Variants in APLF observed in about 807,000 individuals in gnomAD.
APLF encodes aprataxin and PNK-like factor.
A neutral mutation model predicts 55.6 loss-of-function variants in APLF; 61 were observed. The observed-to-expected ratio is 1.10, with a 90% CI of 0.89 to 1.36. The LOEUF is 1.36. APLF is among the 40% of genes most tolerant of loss of function. The pLI is 0.00. For missense variants in APLF, 611 were observed against 602.5 expected, an observed-to-expected ratio of 1.01 and a Z score of -0.15; for synonymous variants, 207 against 214.8, an observed-to-expected ratio of 0.96 and a Z score of 0.32.
At position 68,526,003 on chromosome 2, in the gene APLF, A is replaced by C. The variant is rs577800989; in HGVS notation, c.623-58A>C. 5.9e-5 allele frequency: 87 copies of C among 1,483,414 alleles called. No homozygotes were observed. The African/African-American group carries it at 1.1e-3, about 19-fold the overall frequency. The allele number at this position is 1,483,414 out of a possible 1,614,324, so 91.9% of individuals were successfully genotyped here. A position where few individuals can be genotyped will look rare whatever the true frequency, so the allele number is the denominator to read the frequency against. ...TTTCTTTTTTCTTTTTTTGATATGGATTATTGACATTTGAAGATACAGAAG... is the reference window on the plus strand; with the variant it reads ...TTTCTTTTTTCTTTTTTTGATATGGCTTATTGACATTTGAAGATACAGAAG... On this transcript the variant is annotated intron_variant, in intron 5 of 9. Coordinates refer to ENST00000303795, the MANE Select transcript of APLF (RefSeq NM_173545.3).
intron 1 of APLF, among the ~76,000 whole-genome samples, chr2:68,485,617 G>A (rs571539415): frequency 2.8e-4 from 42 of 151,892 alleles, no homozygotes; most frequent in African/African-American, 3.9e-4. Context: ...CCTTTTATCC[G>A]TTCCTAACTT....
chr2:68,512,883 A>C (rs1252195651), intron 3 of APLF, among the ~76,000 whole-genome samples, 197 bp from the exon 4 acceptor site: 2 of 151,718 alleles, frequency 1.3e-5, no homozygotes, highest in African/African-American at 4.8e-5. Flanking sequence ...ATGATTTGGA[A>C]AGATTGATGT....
intron 5 of APLF, among the ~76,000 whole-genome samples, chr2:68,518,116 A>G (rs1040717887): frequency 1.5e-5 from 2 of 131,170 alleles, no homozygotes; most frequent in East Asian, 2.2e-4. Flanking sequence ...TATATCATAT[A>G]CAATATTAAT....
intron 9 of APLF, among the ~76,000 whole-genome samples, chr2:68,575,766 G>C (rs1487111744): frequency 6.6e-6 from 1 of 152,048 alleles, no homozygotes; most frequent in Non-Finnish European, 1.5e-5. Context: ...AGAATGACCA[G>C]ATCTGGGTAA....
At chr2:68,495,465 C>A (rs6708618) in intron 2 of APLF, among the ~76,000 whole-genome samples, 33,945 of 152,104 alleles carry the variant, frequency 0.22, 5,798 homozygotes, top group African/African-American at 0.49. Flanking sequence ...ACACTGATGC[C>A]AAGGGTGGGC....
At chr2:68,542,557 C>T (rs1670585128) in intron 7 of APLF, among the ~76,000 whole-genome samples, 1 of 152,140 alleles carries the variant, frequency 6.6e-6, no homozygotes, top group South Asian at 2.1e-4. Flanking sequence ...AGATGCTCAA[C>T]ATCACTAAAC....
At position 68,490,266 on chromosome 2, in the gene APLF, ATATGT is replaced by A. The variant is rs751098936; in HGVS notation, c.168+9_168+13del. The A allele has an allele frequency of 1.2e-6, 2 of 1,609,010 alleles. No individual in the cohort carries two copies. The highest frequency in any genetic ancestry group is 4.5e-5 in the East Asian group (2 of 44,746). On this transcript the variant is annotated splice_donor_region_variant and intron_variant, in intron 2 of 9. Transcript: ENST00000303795. ...GGTCAGCTGCGAATCAAACCGGTAA[ATATGT>A]TATTAATGATTCATTTTAACTTTCA...
At position 68,472,511 on chromosome 2, in the gene APLF, T is replaced by TA. The variant is rs112461739; in HGVS notation, c.96+4693dup. ...CCCTTAGAAAGGAATTTGGGCAAGA[T>TA]AAAAAAAAATAATAATCAGAGCTTA... is the stretch of plus-strand genomic sequence containing the variant. On this transcript the variant is annotated intron_variant, in intron 1 of 9. Transcript: ENST00000303795. Among the ~76,000 whole-genome samples the TA allele has an allele frequency of 2.5e-3, 383 of 151,314 alleles. 2 individuals carry two copies. Among genetic ancestry groups the TA allele is most frequent in the African/African-American group, 8.4e-3 (348 of 41,248 alleles).
At chr2:68,488,665 A>G (rs750526122) in intron 1 of APLF, among the ~76,000 whole-genome samples, 1 of 151,936 alleles carries the variant, frequency 6.6e-6, no homozygotes, top group South Asian at 2.1e-4. Context: ...GTGGATTTGG[A>G]GTGCTGCCTA....
At chr2:68,567,206 A>G in intron 8 of APLF, 135 bp from the exon 9 acceptor site, 1 of 674,934 alleles carries the variant, frequency 1.5e-6, no homozygotes, top group Non-Finnish European at 2.5e-6. Flanking sequence ...TAATTAAACA[A>G]CAAATGCTTT....
Position 68,563,440 on chromosome 2 carries a change from G to T in APLF, c.1287-3901G>T, listed in dbSNP as rs144549967. The T allele has an allele frequency of 4.4e-5, 36 of 809,932 alleles. No homozygotes were observed. The East Asian group carries it at 4.0e-3, about 90-fold the overall frequency. The allele number at this position is 809,932 out of a possible 1,614,324, so 50.2% of individuals were successfully genotyped here. On this transcript the variant is annotated intron_variant, in intron 8 of 9. Transcript: ENST00000303795. ...TGGTGGATGCAGATGGTGCATGCGA[G>T]TGCAACTGGGAATGTTTTCCAGGAT...
intron 2 of APLF, among the ~76,000 whole-genome samples, chr2:68,492,242 G>T (rs1676392929): frequency 1.3e-5 from 2 of 151,764 alleles, no homozygotes; most frequent in South Asian, 4.2e-4. Flanking sequence ...ACTTTGGGAG[G>T]CCGGGGTGGG....
Position 68,529,966 on chromosome 2 carries a change from C to T in APLF, c.804+3724C>T, listed in dbSNP as rs1670201858. Among the ~76,000 whole-genome samples, 3 of 152,236 alleles carry T rather than the reference C, an allele frequency of 2.0e-5. No individual in the cohort carries two copies. Among genetic ancestry groups the T allele is most frequent in the East Asian group, 1.9e-4 (1 of 5,196 alleles). On this transcript the variant is annotated intron_variant, in intron 6 of 9. Transcript: ENST00000303795. This position sits in a 1 kb window ranked among gnomAD's most constrained non-coding sequence, Gnocchi z 4.4. ...CCTCTGTGCCGCCTGGAGCCAGGCC[C>T]GCCTTCTCCATGGCTGCTGTGGCCT...
intron 3 of APLF, among the ~76,000 whole-genome samples, chr2:68,509,305 T>C (rs1191996989): frequency 6.6e-6 from 1 of 151,752 alleles, no homozygotes; most frequent in African/African-American, 2.4e-5. Flanking sequence ...TGGGAGAAAA[T>C]TTTTGCAATC....
chr2:68,580,057 T>G lies in APLF; in HGVS notation c.*2035T>G, dbSNP rs1671729358. ...ATATTCTTCGTAGTAATGTAATAGT[T>G]CATGGTAGCTGCTTTTAACGATACA... On this transcript the variant is annotated 3_prime_UTR_variant, in exon 10 of 10. Coordinates refer to ENST00000303795, the MANE Select transcript of APLF (RefSeq NM_173545.3). 5 of 925,264 alleles carry G rather than the reference T, an allele frequency of 5.4e-6. No individual in the cohort carries two copies. Among genetic ancestry groups the G allele is most frequent in the African/African-American group, 3.6e-5 (2 of 56,004 alleles). The allele number at this position is 925,264 out of a possible 1,614,324, so 57.3% of individuals were successfully genotyped here.
Position 68,502,875 on chromosome 2 carries a change from T to C in APLF, c.313T>C (p.Ser105Pro). The C allele has an allele frequency of 6.2e-7, 1 of 1,604,620 alleles. No homozygotes were observed. Among genetic ancestry groups the C allele is most frequent in the Non-Finnish European group, 8.5e-7 (1 of 1,176,854 alleles). Residue 105 changes from serine (S) to proline (P), a missense_variant, in exon 3 of 10, where the codon TCT becomes CCT. Physicochemically the swap from Ser to Pro is moderately conservative, Grantham distance 74. Transcript: ENST00000303795. ...KYIFRILSIP[S>P]EVEMQCTLRN... is the part of the protein sequence containing the mutation. ...CATTTTCCGCATTCTCTCTATACCC[T>C]CTGAAGTGGAAATGCAATGTACCTT...
chr2:68,486,328 T>C (rs557283504), intron 1 of APLF, among the ~76,000 whole-genome samples: 12 of 152,286 alleles, frequency 7.9e-5, no homozygotes, highest in African/African-American at 2.9e-4. Context: ...GTGTCCTCCT[T>C]CTCCCTGAGA....
chr2:68,521,262 T>G (rs1239775422), intron 5 of APLF, among the ~76,000 whole-genome samples: 1 of 151,844 alleles, frequency 6.6e-6, no homozygotes. Flanking sequence ...TTTCTAGGTA[T>G]ATGATTATAT....
chr2:68,518,437 T>C (rs1669730148), intron 5 of APLF, among the ~76,000 whole-genome samples: 2 of 113,096 alleles, frequency 1.8e-5, no homozygotes, highest in South Asian at 2.5e-4. Flanking sequence ...TATTATATAA[T>C]ATATAATAAT....
Sources: allele counts gnomAD v4.1 joint callset (sites outside exome capture counted in the v4.1 genomes callset), GRCh38; gene constraint gnomAD v4.1.1; non-coding constraint Gnocchi (gnomAD v3.1); transcripts MANE v1.5; gene names NCBI Gene and HGNC (gene_info 2026-07-23, HGNC 2026-07-21).